FMO1: variants seen among roughly 807,000 people sequenced by gnomAD.
The protein encoded by FMO1 is flavin containing dimethylaniline monoxygenase 1.
In FMO1, 36 loss-of-function variants were observed where a neutral mutation model predicts 45.4. That is an observed-to-expected ratio of 0.79 (90% CI 0.61 to 1.05). The LOEUF (loss-of-function observed/expected upper bound fraction) is 1.05. Among genes scored for constraint, FMO1 ranks in the 50% least tolerant of loss-of-function variants. The pLI is 0.00. For synonymous variants in FMO1, 228 were observed against 227.2 expected, an observed-to-expected ratio of 1.00 and a Z score of -0.03; for missense variants, 615 against 640.3, an observed-to-expected ratio of 0.96 and a Z score of 0.43.
chr1:171,263,095 C>A (rs1287412373), intron 2 of FMO1, among the ~76,000 whole-genome samples: 1 of 152,126 alleles, frequency 6.6e-6, no homozygotes, highest in Non-Finnish European at 1.5e-5. Context: ...ACAAAATTTT[C>A]TTCCCATTGC....
At chr1:171,275,317 G>T in intron 3 of FMO1, 29 bp from the exon 4 acceptor site, 1 of 1,603,574 alleles carries the variant, frequency 6.2e-7, no homozygotes, top group Non-Finnish European at 8.5e-7. Flanking sequence ...ATTGACAACT[G>T]CTAATCATAT....
At chr1:171,253,964 T>A (rs1660028011) in intron 1 of FMO1, 1 of 152,252 alleles carries the variant, frequency 6.6e-6, no homozygotes, top group Non-Finnish European at 1.5e-5. Flanking sequence ...AGGAGTTCAA[T>A]CTGTAACTCT....
intron 2 of FMO1, among the ~76,000 whole-genome samples, chr1:171,258,854 T>A (rs1660274080): frequency 6.6e-6 from 1 of 151,918 alleles, no homozygotes; most frequent in East Asian, 1.9e-4. Context: ...AATGAAGGGG[T>A]GAGGACCGAG....
At chr1:171,267,885 C>T (rs528339440) in intron 3 of FMO1, among the ~76,000 whole-genome samples, 154 bp downstream of exon 3, 10 of 152,214 alleles carry the variant, frequency 6.6e-5, no homozygotes, top group Non-Finnish European at 1.3e-4. Flanking sequence ...ACTCACTCCC[C>T]ACTTCAAGTA....
intron 3 of FMO1, among the ~76,000 whole-genome samples, chr1:171,274,114 A>C (rs1660994909): frequency 6.8e-6 from 1 of 147,868 alleles, no homozygotes; most frequent in African/African-American, 2.5e-5. Flanking sequence ...GCACCACTGC[A>C]CTCCAGCCTG....
At chr1:171,264,923 T>C (rs1311084083) in intron 2 of FMO1, among the ~76,000 whole-genome samples, 2 of 149,286 alleles carry the variant, frequency 1.3e-5, no homozygotes, top group Non-Finnish European at 3.0e-5. Context: ...ACAAAAGAAA[T>C]GCACAATCTC....
chr1:171,274,959 A>G (rs536808368), intron 3 of FMO1, among the ~76,000 whole-genome samples: 1 of 152,362 alleles, frequency 6.6e-6, no homozygotes, highest in East Asian at 1.9e-4. Flanking sequence ...CAGGTTTTCA[A>G]TTATATCTTA....
chr1:171,264,149 A>G (rs1187638517), intron 2 of FMO1, among the ~76,000 whole-genome samples: 1 of 152,054 alleles, frequency 6.6e-6, no homozygotes, highest in Non-Finnish European at 1.5e-5. Context: ...TGCCTTGAAA[A>G]TTATCTTCCT....
At chr1:171,251,982 C>A (rs1292683486) in intron 1 of FMO1, among the ~76,000 whole-genome samples, 1 of 152,072 alleles carries the variant, frequency 6.6e-6, no homozygotes, top group Non-Finnish European at 1.5e-5. Context: ...AATCGCACTC[C>A]AATAAACAGC....
chr1:171,261,851 T>A (rs566186414), intron 2 of FMO1, among the ~76,000 whole-genome samples: 10 of 151,562 alleles, frequency 6.6e-5, no homozygotes, highest in African/African-American at 1.7e-4. Flanking sequence ...AAGGCAGGAG[T>A]TACAATGAAA....
chr1:171,251,786 G>T (rs7553869), intron 1 of FMO1: 87,184 of 151,266 alleles, frequency 0.58, 27,699 homozygotes, highest in African/African-American at 0.85. Context: ...AGCCTGTAAG[G>T]GGCTTGGACC....
intron 4 of FMO1, among the ~76,000 whole-genome samples, chr1:171,276,296 G>A (rs1029033444): frequency 6.6e-6 from 1 of 152,188 alleles, no homozygotes; most frequent in Non-Finnish European, 1.5e-5. Context: ...CTCAGATCAG[G>A]TTAGATTAGG....
chr1:171,273,459 A>G (rs1193270886), intron 3 of FMO1, among the ~76,000 whole-genome samples: 2 of 152,144 alleles, frequency 1.3e-5, no homozygotes, highest in African/African-American at 4.8e-5. Flanking sequence ...AATGCATCAA[A>G]ATTTCTGAAT....
chr1:171,267,474 C>A, intron 2 of FMO1, 69 bp from the exon 3 acceptor site: 1 of 1,107,112 alleles, frequency 9.0e-7, no homozygotes, highest in Non-Finnish European at 1.3e-6. Context: ...GCATCTGGAC[C>A]GGTGAGTTCT....
chr1:171,280,749 C>A (rs1037788508), intron 5 of FMO1, 37 bp from the exon 6 acceptor site: 12 of 1,567,226 alleles, frequency 7.7e-6, no homozygotes, highest in Non-Finnish European at 1.1e-5. Context: ...GCCGTGTTCA[C>A]AGTGTCAAAT....
chr1:171,274,438 T>G (rs1254852684), intron 3 of FMO1, among the ~76,000 whole-genome samples: 2 of 151,844 alleles, frequency 1.3e-5, no homozygotes, highest in Admixed American at 6.6e-5. Context: ...TTTTTTGTAT[T>G]TTTTTTGTAA....
intron 2 of FMO1, among the ~76,000 whole-genome samples, chr1:171,263,140 A>T (rs975974267): frequency 8.5e-5 from 13 of 152,228 alleles, no homozygotes; most frequent in Non-Finnish European, 1.3e-4. Flanking sequence ...AGCTTAAGAA[A>T]GTAAATTTCC....
chr1:171,260,760 A>G (rs940804195), intron 2 of FMO1, among the ~76,000 whole-genome samples: 3 of 151,706 alleles, frequency 2.0e-5, no homozygotes, highest in Admixed American at 2.0e-4. Context: ...GCGAAATCCC[A>G]TCTCTACTAA....
intron 2 of FMO1, 105 bp downstream of exon 2, chr1:171,258,324 T>A: frequency 7.3e-7 from 1 of 1,369,030 alleles, no homozygotes; most frequent in Non-Finnish European, 1.0e-6. Context: ...TTGAGGAAGG[T>A]TAGAAATGTC....
Sources: allele counts gnomAD v4.1 joint callset (sites outside exome capture counted in the v4.1 genomes callset), GRCh38; gene constraint gnomAD v4.1.1; transcripts MANE v1.5; gene names NCBI Gene and HGNC (gene_info 2026-07-23, HGNC 2026-07-21).